The following LRMDA variants were observed in gnomAD, a reference collection of about 807,000 sequenced individuals.
LRMDA encodes the protein leucine-rich melanocyte differentiation-associated protein.
In LRMDA, 18 loss-of-function variants were observed where a neutral mutation model predicts 29.8. The ratio of observed to expected loss-of-function variants is 0.60; its 90% CI spans 0.42 to 0.90. The LOEUF is 0.90. Among genes scored for constraint, LRMDA ranks in the 40% least tolerant of loss-of-function variants. LRMDA has a pLI of 0.00. For synonymous variants in LRMDA, 125 were observed against 109.4 expected (o/e 1.14, Z -0.89); for missense variants, 273 against 273.9 (o/e 1.00, Z 0.02).
chr10:75,928,259 G>T (rs1189570203), intron 2 of LRMDA, among the ~76,000 whole-genome samples: 2 of 141,646 alleles, frequency 1.4e-5, no homozygotes, highest in Non-Finnish European at 3.0e-5. Context: ...GAGTGGCAGT[G>T]GCTATGATTA....
intron 6 of LRMDA, among the ~76,000 whole-genome samples, chr10:76,381,506 C>G (rs1279595867): frequency 6.6e-6 from 1 of 152,072 alleles, no homozygotes; most frequent in African/African-American, 2.4e-5. Context: ...TACCATCTCG[C>G]AATAATCCAT....
At chr10:75,940,592 A>G (rs764527752) in intron 2 of LRMDA, among the ~76,000 whole-genome samples, 1 of 152,128 alleles carries the variant, frequency 6.6e-6, no homozygotes, top group Non-Finnish European at 1.5e-5. Context: ...CTTGTGTTAG[A>G]GTAGCTTTGC....
At chr10:76,036,830 C>G (rs1848256601) in intron 3 of LRMDA, among the ~76,000 whole-genome samples, 1 of 152,130 alleles carries the variant, frequency 6.6e-6, no homozygotes, top group Non-Finnish European at 1.5e-5. Flanking sequence ...TTGCTGCAAC[C>G]TAAGGCCCGT....
At chr10:76,549,297 G>T (rs879925450) in intron 6 of LRMDA, among the ~76,000 whole-genome samples, 2 of 152,128 alleles carry the variant, frequency 1.3e-5, no homozygotes, top group Admixed American at 6.5e-5. Flanking sequence ...AATTTTGCCA[G>T]TATCCCTTCC....
chr10:75,604,562 CACA>C (rs1463403087), intron 2 of LRMDA, among the ~76,000 whole-genome samples: 5 of 152,120 alleles, frequency 3.3e-5, no homozygotes, highest in Non-Finnish European at 2.9e-5. Context: ...ATGTTGCTTA[CACA>C]AGTTTATGGT....
intron 5 of LRMDA, among the ~76,000 whole-genome samples, chr10:76,087,632 G>T (rs1214255341): frequency 1.3e-5 from 2 of 152,118 alleles, no homozygotes; most frequent in Non-Finnish European, 2.9e-5. Flanking sequence ...GGATGCCAGA[G>T]GTACTGTGTT....
intron 6 of LRMDA, among the ~76,000 whole-genome samples, chr10:76,405,517 T>C (rs548245715): frequency 5.9e-5 from 9 of 152,270 alleles, no homozygotes; most frequent in Admixed American, 5.9e-4. Flanking sequence ...ACCAGACTTG[T>C]CATTATTTTA....
chr10:75,510,413 G>A (rs1845212992), intron 2 of LRMDA, among the ~76,000 whole-genome samples: 1 of 152,232 alleles, frequency 6.6e-6, no homozygotes, highest in Non-Finnish European at 1.5e-5. Context: ...TCCCTGGGAA[G>A]AGGACTTGTA....
At chr10:76,274,989 G>A (rs141316405) in intron 5 of LRMDA, among the ~76,000 whole-genome samples, 8 of 152,232 alleles carry the variant, frequency 5.3e-5, no homozygotes, top group African/African-American at 1.4e-4. Flanking sequence ...GAGCTCAGTG[G>A]AAGTTCTTTG....
intron 5 of LRMDA, among the ~76,000 whole-genome samples, chr10:76,167,887 C>T (rs188658877): frequency 6.6e-6 from 1 of 152,132 alleles, no homozygotes; most frequent in Non-Finnish European, 1.5e-5. Context: ...CATCCATGAG[C>T]ATGGAATGTT....
At chr10:75,462,734 A>G (rs923175692) in intron 2 of LRMDA, among the ~76,000 whole-genome samples, 1 of 152,188 alleles carries the variant, frequency 6.6e-6, no homozygotes, top group African/African-American at 2.4e-5. Flanking sequence ...AGGTGGGGAG[A>G]ACATCTACCT....
At chr10:75,437,955 T>C (rs938122109) in intron 1 of LRMDA, among the ~76,000 whole-genome samples, 1 of 152,188 alleles carries the variant, frequency 6.6e-6, no homozygotes, top group African/African-American at 2.4e-5. Flanking sequence ...TGCTGGTAAG[T>C]GCATCTGCTG....
chr10:76,163,425 G>C (rs1034040893), intron 5 of LRMDA, among the ~76,000 whole-genome samples: 1 of 152,124 alleles, frequency 6.6e-6, no homozygotes, highest in Non-Finnish European at 1.5e-5. Context: ...CTAAATGTAT[G>C]TGTGGTAAAT....
In LRMDA at chr10:75,829,608, C is replaced by T. The variant is rs528613985; in HGVS notation, c.132-206400C>T. Among the ~76,000 whole-genome samples the T allele has an allele frequency of 2.0e-4, 31 of 151,936 alleles. 1 individual carries two copies. The East Asian group carries it at 2.7e-3, about 13-fold the overall frequency. On this transcript the variant is annotated intron_variant, in intron 2 of 6. Transcript: ENST00000611255. The stretch of plus-strand genomic sequence containing the variant: ...TATATTTATTTATTCCTGTTTTTTC[C>T]CTTAGAATATGTTAGTAACACTTCT...
chr10:76,545,531 C>T (rs1053272164), intron 6 of LRMDA, among the ~76,000 whole-genome samples: 3 of 151,948 alleles, frequency 2.0e-5, no homozygotes, highest in African/African-American at 7.2e-5. Flanking sequence ...ATCTATTCTA[C>T]ATATCCAAAG....
chr10:76,048,374 A>G lies in LRMDA; in HGVS notation c.398+1071A>G, dbSNP rs544030836. 2.0e-5 allele frequency among the ~76,000 whole-genome samples: 3 copies of G among 152,356 alleles called. No individual in the cohort carries two copies. The East Asian group carries it at 5.8e-4, about 29-fold the overall frequency. ...GTAGGGAGGGATTGGTCTCAAGTAC[A>G]GGGCTTATGAGGTTGCAAAAGGAAA... On this transcript the variant is annotated intron_variant, in intron 4 of 6. Coordinates refer to ENST00000611255, the MANE Select transcript of LRMDA (RefSeq NM_001305581.2).
chr10:76,547,635 G>A (rs1330306437), intron 6 of LRMDA, among the ~76,000 whole-genome samples: 1 of 152,136 alleles, frequency 6.6e-6, no homozygotes, highest in Non-Finnish European at 1.5e-5. Flanking sequence ...AGGAGGTGGT[G>A]ACGGGGTGGC....
intron 2 of LRMDA, among the ~76,000 whole-genome samples, chr10:75,538,295 C>T (rs769906464): frequency 5.3e-5 from 8 of 152,146 alleles, no homozygotes; most frequent in East Asian, 1.9e-4. Context: ...AGACTGAAAG[C>T]GGTGCAGCGA....
At chr10:76,248,603 G>T (rs1008301335) in intron 5 of LRMDA, among the ~76,000 whole-genome samples, 3 of 152,204 alleles carry the variant, frequency 2.0e-5, no homozygotes. Flanking sequence ...GGAAGGACAT[G>T]GATCAAGGTG....
Sources: gnomAD v4.1 joint callset for allele counts (sites outside exome capture counted in the v4.1 genomes callset) on GRCh38, gnomAD v4.1.1 for gene constraint, MANE v1.5 for transcripts, NCBI Gene and HGNC (gene_info 2026-07-23, HGNC 2026-07-21) for gene names.